The following IKZF1 variants were observed in gnomAD, a reference collection of about 807,000 sequenced individuals.
IKZF1 encodes the protein IKAROS family zinc finger 1.
In IKZF1, 10 loss-of-function variants were observed where a neutral mutation model predicts 51.7. The observed-to-expected ratio is 0.19, with a 90% CI of 0.12 to 0.33. The LOEUF (loss-of-function observed/expected upper bound fraction) is 0.33. IKZF1 is among the 10% of genes least tolerant of loss of function. IKZF1 has a pLI of 1.00. For synonymous variants in IKZF1, 280 were observed against 282.3 expected, an observed-to-expected ratio of 0.99 and a Z score of 0.08; for missense variants, 484 against 707.5, an observed-to-expected ratio of 0.68 and a Z score of 3.58.
intron 7 of IKZF1, among the ~76,000 whole-genome samples, chr7:50,395,628 GTTAT>G (rs1246938149): frequency 6.6e-6 from 1 of 151,992 alleles, no homozygotes; most frequent in African/African-American, 2.4e-5. Context: ...TAGTAGTTTA[GTTAT>G]TTATTACTAA....
At chr7:50,368,469 G>A in intron 3 of IKZF1, 2 of 606,318 alleles carry the variant, frequency 3.3e-6, no homozygotes, top group Non-Finnish European at 5.9e-6. Context: ...TTGTGGGACA[G>A]GAGAAGGAGA....
intron 3 of IKZF1, among the ~76,000 whole-genome samples, chr7:50,372,530 G>T (rs1809015539): frequency 6.6e-6 from 1 of 152,214 alleles, no homozygotes; most frequent in African/African-American, 2.4e-5. Flanking sequence ...GCTGATACAG[G>T]TTCCTCTGTC....
intron 3 of IKZF1, among the ~76,000 whole-genome samples, chr7:50,374,483 G>A (rs1809645734): frequency 6.6e-6 from 1 of 152,224 alleles, no homozygotes; most frequent in Non-Finnish European, 1.5e-5. Context: ...TTAGCAAGTT[G>A]TTCAACCTCT....
intron 3 of IKZF1, among the ~76,000 whole-genome samples, chr7:50,344,969 C>T (rs1031755224): frequency 4.0e-5 from 6 of 151,456 alleles, no homozygotes; most frequent in Non-Finnish European, 7.4e-5. Context: ...AAAGTAACTG[C>T]GATTTTTGCC....
rs536899334 is a variant in IKZF1 at position 50,400,642 on chromosome 7, C to G, written c.*15C>G. On this transcript the variant is annotated 3_prime_UTR_variant, in exon 8 of 8. Transcript: ENST00000331340. The surrounding 1 kb of genome is among the most constrained non-coding windows in gnomAD (Gnocchi z 5.4). Reference sequence around the variant, plus strand: ...ACATGAGCTAAAGCCCTCCCGCGCCCCCACCCCAGACCCCGAGCCACCCCA... The same window carrying G: ...ACATGAGCTAAAGCCCTCCCGCGCCGCCACCCCAGACCCCGAGCCACCCCA... 6.1e-5 allele frequency: 97 copies of G among 1,596,690 alleles called. No individual in the cohort carries two copies. In the African/African-American group the frequency reaches 1.2e-3, roughly 19 times the overall value.
At chr7:50,373,942 G>T (rs1393578797) in intron 3 of IKZF1, among the ~76,000 whole-genome samples, 1 of 152,288 alleles carries the variant, frequency 6.6e-6, no homozygotes, top group African/African-American at 2.4e-5. Flanking sequence ...CTGCTCAGAT[G>T]CTCTCGGTCT....
intron 3 of IKZF1, among the ~76,000 whole-genome samples, chr7:50,342,658 T>C (rs1331933766): frequency 6.6e-5 from 10 of 151,848 alleles, no homozygotes; most frequent in African/African-American, 2.4e-4. Flanking sequence ...TTTTTTTTTT[T>C]TTTTTCAAAG....
chr7:50,395,902 T>A (rs1249453989), intron 7 of IKZF1, among the ~76,000 whole-genome samples: 2 of 152,238 alleles, frequency 1.3e-5, no homozygotes, highest in Non-Finnish European at 2.9e-5. Flanking sequence ...TAGATTTTGC[T>A]GATGGCATTG....
rs1399200452 is a variant in IKZF1, at chr7:50,404,367, G to A, written c.*3740G>A. 1 of 226,116 alleles carries A rather than the reference G, an allele frequency of 4.4e-6. No homozygotes were observed. The allele number at this position is 226,116 out of a possible 1,614,324, so 14.0% of individuals were successfully genotyped here. On this transcript the variant is annotated 3_prime_UTR_variant, in exon 8 of 8. Transcript: ENST00000331340. ...CAAGGGATGTACCACTGGAGGAATA[G>A]AGTATCCTTTTGTACACATTTTGAA...
At chr7:50,309,498 G>A (rs191952809) in intron 1 of IKZF1, among the ~76,000 whole-genome samples, 87 of 152,062 alleles carry the variant, frequency 5.7e-4, no homozygotes, top group Admixed American at 1.6e-3. Flanking sequence ...TTGGTGGGGG[G>A]TTTGCACAGA....
chr7:50,388,085 T>C (rs928937499), intron 6 of IKZF1, among the ~76,000 whole-genome samples: 2 of 152,180 alleles, frequency 1.3e-5, no homozygotes, highest in African/African-American at 4.8e-5. Context: ...TAGCACTTGA[T>C]TCAGACCCCA....
chr7:50,315,280 G>A (rs957475162), intron 1 of IKZF1, among the ~76,000 whole-genome samples: 3 of 152,158 alleles, frequency 2.0e-5, no homozygotes, highest in African/African-American at 7.2e-5. Flanking sequence ...GAAAGAGATG[G>A]GAGGTAGGTG....
chr7:50,353,349 AG>A (rs1437850543), intron 3 of IKZF1, among the ~76,000 whole-genome samples: 1 of 152,096 alleles, frequency 6.6e-6, no homozygotes, highest in African/African-American at 2.4e-5. Context: ...TTCAGCCAAA[AG>A]CTCCTTCCCC....
chr7:50,382,292 A>G (rs1329346675), intron 4 of IKZF1, among the ~76,000 whole-genome samples: 1 of 152,180 alleles, frequency 6.6e-6, no homozygotes, highest in Non-Finnish European at 1.5e-5. Flanking sequence ...CTTTATTTAA[A>G]TGAGTTTGAA....
At chr7:50,357,108 C>G (rs932250035) in intron 3 of IKZF1, among the ~76,000 whole-genome samples, 1 of 151,940 alleles carries the variant, frequency 6.6e-6, no homozygotes, top group Non-Finnish European at 1.5e-5. Flanking sequence ...CTGGTGGTCT[C>G]CCACTTCTCT....
At chr7:50,387,538 T>C (rs1252970444) in intron 6 of IKZF1, 68 bp downstream of exon 6, 2 of 1,525,278 alleles carry the variant, frequency 1.3e-6, no homozygotes, top group African/African-American at 2.8e-5. Flanking sequence ...AGGAGGGCGC[T>C]CTGCATGCAG....
At chr7:50,357,876 T>C (rs1803949135) in intron 3 of IKZF1, among the ~76,000 whole-genome samples, 1 of 152,188 alleles carries the variant, frequency 6.6e-6, no homozygotes, top group African/African-American at 2.4e-5. Flanking sequence ...TTTTCTACTG[T>C]CTTACCTGGT....
chr7:50,331,215 G>GAACAGATGACCAGCACCAAGGA (rs1796373371), intron 3 of IKZF1, among the ~76,000 whole-genome samples: 3 of 152,022 alleles, frequency 2.0e-5, no homozygotes, highest in Admixed American at 2.0e-4. Flanking sequence ...AAAAGGGAGA[G>GAACAGATGACCAGCACCAAGGA]AACAGATGAC....
intron 6 of IKZF1, among the ~76,000 whole-genome samples, chr7:50,390,367 A>G (rs1814712309): frequency 6.6e-6 from 1 of 152,198 alleles, no homozygotes; most frequent in African/African-American, 2.4e-5. Context: ...GGTTTTATGG[A>G]TTTATATTTA....
Sources: gnomAD v4.1 joint callset for allele counts (sites outside exome capture counted in the v4.1 genomes callset) on GRCh38, gnomAD v4.1.1 for gene constraint, Gnocchi (gnomAD v3.1) non-coding constraint, MANE v1.5 for transcripts, NCBI Gene and HGNC (gene_info 2026-07-23, HGNC 2026-07-21) for gene names.